Variants in CLSTN2 observed in about 807,000 individuals in gnomAD.
The protein encoded by CLSTN2 is calsyntenin 2.
A neutral mutation model predicts 101.2 loss-of-function variants in CLSTN2; 48 were observed. That is an observed-to-expected ratio of 0.47 (90% CI 0.38 to 0.60). CLSTN2 has a LOEUF of 0.60. Ranked by LOEUF, CLSTN2 falls within the 20% of genes least tolerant of loss-of-function variation. CLSTN2 has a pLI of 0.00. For missense variants in CLSTN2, 1,160 were observed against 1,238.2 expected, an observed-to-expected ratio of 0.94 and a Z score of 0.95; for synonymous variants, 481 against 463.6, an observed-to-expected ratio of 1.04 and a Z score of -0.48.
chr3:140,273,200 G>A (rs902077048), intron 2 of CLSTN2, among the ~76,000 whole-genome samples: 1 of 151,814 alleles, frequency 6.6e-6, no homozygotes, highest in Non-Finnish European at 1.5e-5. Context: ...AACACATACC[G>A]GAACCTGTCG....
At chr3:140,425,657 G>A (rs943241007) in intron 5 of CLSTN2, among the ~76,000 whole-genome samples, 1 of 152,218 alleles carries the variant, frequency 6.6e-6, no homozygotes, top group African/African-American at 2.4e-5. Context: ...CCAATGGGCA[G>A]GGTGGGGCTT....
At chr3:140,259,544 T>C (rs1325281516) in intron 2 of CLSTN2, among the ~76,000 whole-genome samples, 1 of 152,154 alleles carries the variant, frequency 6.6e-6, no homozygotes. Flanking sequence ...TTGACATTCC[T>C]GTACAAATCC....
intron 1 of CLSTN2, among the ~76,000 whole-genome samples, chr3:140,073,869 C>T (rs2008438112): frequency 6.6e-6 from 1 of 152,198 alleles, no homozygotes; most frequent in Non-Finnish European, 1.5e-5. Flanking sequence ...TTTTCCATTT[C>T]TGTGATTTAC....
At chr3:140,485,772 A>C (rs1372315478) in intron 8 of CLSTN2, among the ~76,000 whole-genome samples, 1 of 152,044 alleles carries the variant, frequency 6.6e-6, no homozygotes, top group Non-Finnish European at 1.5e-5. Context: ...AGGATATAAT[A>C]TCCTGGTGTG....
In CLSTN2 at chr3:140,201,964, C is replaced by A. The variant is rs569616949; in HGVS notation, c.232+25891C>A. Among the ~76,000 whole-genome samples, 6 of 152,162 alleles carry A rather than the reference C, an allele frequency of 3.9e-5. No individual in the cohort carries two copies. The East Asian group carries it at 9.7e-4, about 25-fold the overall frequency. ...GTGAAGATGATATTGAGCAAAGTTT[C>A]GAAGGAAATGAGGGGATGCACCCTG... is the stretch of plus-strand genomic sequence containing the variant. On this transcript the variant is annotated intron_variant, in intron 2 of 16. Transcript: ENST00000458420.
In CLSTN2 at chr3:140,008,314, G is replaced by A. The variant is rs571017848; in HGVS notation, c.109+72831G>A. On this transcript the variant is annotated intron_variant, in intron 1 of 16. Transcript: ENST00000458420. Reference sequence around the variant, plus strand: ...CCATGCTTCTGGCATCATTGCCCCTGGTATCATTGCCCCTGGCATCCTTTT... The same window carrying A: ...CCATGCTTCTGGCATCATTGCCCCTAGTATCATTGCCCCTGGCATCCTTTT... Among the ~76,000 whole-genome samples the A allele has an allele frequency of 5.9e-5, 9 of 152,334 alleles. No individual in the cohort carries two copies. In the East Asian group the frequency reaches 1.7e-3, roughly 29 times the overall value.
At chr3:140,401,530 C>T (rs1172244576) in intron 2 of CLSTN2, among the ~76,000 whole-genome samples, 2 of 152,200 alleles carry the variant, frequency 1.3e-5, no homozygotes, top group African/African-American at 4.8e-5. Context: ...CTTTCCCTCT[C>T]TACTCTCCTT....
chr3:140,415,359 C>T (rs140779046), intron 4 of CLSTN2, among the ~76,000 whole-genome samples: 9 of 151,742 alleles, frequency 5.9e-5, no homozygotes. Flanking sequence ...AACTAAAAAG[C>T]TCTGCATAGT....
chr3:140,431,405 G>A (rs1488816401), intron 5 of CLSTN2, among the ~76,000 whole-genome samples: 1 of 152,162 alleles, frequency 6.6e-6, no homozygotes, highest in Non-Finnish European at 1.5e-5. Context: ...ACCAGGGCAG[G>A]AAGACTCTAC....
chr3:140,238,184 C>G (rs1393585234), intron 2 of CLSTN2, among the ~76,000 whole-genome samples: 1 of 152,116 alleles, frequency 6.6e-6, no homozygotes, highest in Non-Finnish European at 1.5e-5. Context: ...TCTTCTGACC[C>G]TTTGGGGCCA....
At chr3:140,491,458 T>C (rs980926746) in intron 8 of CLSTN2, among the ~76,000 whole-genome samples, 7 of 152,272 alleles carry the variant, frequency 4.6e-5, no homozygotes, top group African/African-American at 1.7e-4. Flanking sequence ...GTTACCCATT[T>C]ATTTTAATGC....
intron 2 of CLSTN2, among the ~76,000 whole-genome samples, chr3:140,230,528 C>T (rs529643478): frequency 2.0e-5 from 3 of 152,232 alleles, no homozygotes; most frequent in Admixed American, 1.3e-4. Flanking sequence ...AGGGCAGAGC[C>T]CTCATAAATG....
intron 1 of CLSTN2, among the ~76,000 whole-genome samples, chr3:140,020,591 A>G (rs1576399299): frequency 2.0e-5 from 3 of 152,154 alleles, no homozygotes; most frequent in Admixed American, 1.3e-4. Context: ...TTCTGTCCTC[A>G]TGCGTTCCCA....
At chr3:140,398,931 AG>A (rs1295952707) in intron 2 of CLSTN2, among the ~76,000 whole-genome samples, 1 of 152,154 alleles carries the variant, frequency 6.6e-6, no homozygotes, top group Admixed American at 6.5e-5. Flanking sequence ...CACAGGACTG[AG>A]GGTCCGGAGT....
At chr3:140,521,017 A>G (rs1483824810) in intron 8 of CLSTN2, among the ~76,000 whole-genome samples, 2 of 143,786 alleles carry the variant, frequency 1.4e-5, no homozygotes, top group Non-Finnish European at 3.0e-5. Context: ...CAGCTCCCAT[A>G]TCGTTTTATC....
intron 8 of CLSTN2, among the ~76,000 whole-genome samples, chr3:140,468,903 T>C (rs908505087): frequency 1.1e-4 from 16 of 152,228 alleles, no homozygotes; most frequent in African/African-American, 3.6e-4. Flanking sequence ...CAGGCTGCCA[T>C]AACAAAGTAT....
In CLSTN2 at chr3:140,419,721, A is replaced by G. The variant is rs1390936376; in HGVS notation, c.638-1404A>G. Among the ~76,000 whole-genome samples the G allele has an allele frequency of 6.1e-5, 4 of 65,694 alleles. 1 individual carries two copies. Among genetic ancestry groups the G allele is most frequent in the Admixed American group, 2.6e-4 (2 of 7,770 alleles). 43.1% of individuals were successfully genotyped at this position (65,694 alleles called of 152,430 possible). A position where few individuals can be genotyped will look rare whatever the true frequency, so the allele number is the denominator to read the frequency against. ...TATGAATATGTATATATGTATATAT[A>G]CGTATATACATGTATATACGTATAT... On this transcript the variant is annotated intron_variant, in intron 4 of 16. Coordinates refer to ENST00000458420, the MANE Select transcript of CLSTN2 (RefSeq NM_022131.3).
intron 2 of CLSTN2, among the ~76,000 whole-genome samples, chr3:140,294,244 AAC>A (rs1297004067): frequency 6.6e-6 from 1 of 152,224 alleles, no homozygotes; most frequent in African/African-American, 2.4e-5. Context: ...AATCTAACCT[AAC>A]AGGGTAATTA....
chr3:140,094,761 G>A (rs1021492475), intron 1 of CLSTN2, among the ~76,000 whole-genome samples: 10 of 152,186 alleles, frequency 6.6e-5, no homozygotes, highest in Non-Finnish European at 7.4e-5. Context: ...CAGTGTCTGT[G>A]CCCCCAAGTT....
Sources: allele counts gnomAD v4.1 joint callset (sites outside exome capture counted in the v4.1 genomes callset), GRCh38; gene constraint gnomAD v4.1.1; transcripts MANE v1.5; gene names NCBI Gene and HGNC (gene_info 2026-07-23, HGNC 2026-07-21).